Variants in SPEG observed in about 807,000 individuals in gnomAD.
SPEG encodes the protein striated muscle enriched protein kinase.
SPEG carries 114 observed loss-of-function variants against 300.4 expected under a neutral mutation model. The ratio of observed to expected loss-of-function variants is 0.38; its 90% CI spans 0.33 to 0.44. SPEG has a LOEUF of 0.44. SPEG is among the 20% of genes least tolerant of loss of function. SPEG has a pLI of 1.00. For synonymous variants in SPEG, 1,964 were observed against 2,018.9 expected (o/e 0.97, Z 0.73); for missense variants, 4,201 against 4,586.2 (o/e 0.92, Z 2.43).
In SPEG at chr2:219,462,446, G is replaced by C. The variant is rs1262094341; in HGVS notation, c.2705+60G>C. On this transcript the variant is annotated intron_variant, in intron 8 of 40. Coordinates refer to ENST00000312358, the MANE Select transcript of SPEG (RefSeq NM_005876.5). ...CTCTATGCCAGGCCTGGCTCTGGGA[G>C]GTCTGGCTTTGGGTGGAAGGAAATG... 3.5e-6 allele frequency: 5 copies of C among 1,412,900 alleles called. No individual in the cohort carries two copies. The Admixed American group carries it at 1.0e-4, about 29-fold the overall frequency. 87.5% of individuals were successfully genotyped at this position (1,412,900 alleles called of 1,614,324 possible). A position where few individuals can be genotyped will look rare whatever the true frequency, so the allele number is the denominator to read the frequency against.
chr2:219,476,749 C>T, intron 18 of SPEG, 121 bp from the exon 19 acceptor site: 1 of 568,572 alleles, frequency 1.8e-6, no homozygotes. Context: ...TGCAGGGAGG[C>T]GGGGGTCTAG....
In SPEG at chr2:219,491,830, C is replaced by G. The variant is rs755194015; in HGVS notation, c.9422C>G (p.Ala3141Gly). ...GTGAAGGGAGAACCCATCGGCTCTG[C>G]CACGGACATCTGGGGAGCGGGTGTG... ...EMVKGEPIGS[A>G]TDIWGAGVLT... Residue 3141 changes from alanine to glycine, a missense_variant, in exon 39 of 41, where the codon GCC becomes GGC. Transcript: ENST00000312358. 2 of 1,612,590 alleles carry G rather than the reference C, an allele frequency of 1.2e-6. No homozygotes were observed. The highest frequency in any genetic ancestry group is 8.5e-7 in the Non-Finnish European group (1 of 1,179,516).
In SPEG at chr2:219,489,901, C is replaced by T. The variant is rs756609002; in HGVS notation, c.8883C>T (p.Pro2961=). The change falls in exon 36 of 41, where the codon CCC becomes CCT. Residue 2961 remains proline (P), a synonymous_variant. Transcript: ENST00000312358. The part of the protein sequence containing the change: ...RPEGTTLRQG[P]PQKPYTFLEE... Reference sequence around the variant, plus strand: ...AGGGTACCACTCTTCGACAGGGTCCCCCTCAGAAACCCTACACCTTCCTGG... The same window carrying T: ...AGGGTACCACTCTTCGACAGGGTCCTCCTCAGAAACCCTACACCTTCCTGG... 6 of 1,591,194 alleles carry T rather than the reference C, an allele frequency of 3.8e-6. No individual in the cohort carries two copies. The East Asian group carries it at 6.8e-5, about 18-fold the overall frequency.
chr2:219,435,657 GTTC>G (rs1416526464), intron 1 of SPEG, among the ~76,000 whole-genome samples: 1 of 152,222 alleles, frequency 6.6e-6, no homozygotes. Context: ...TGGGGTGGAA[GTTC>G]TTCTCCTCCT....
At chr2:219,468,526 T>A in intron 10 of SPEG, 52 bp from the exon 11 acceptor site, 1 of 1,583,018 alleles carries the variant, frequency 6.3e-7, no homozygotes, top group Non-Finnish European at 8.6e-7. Context: ...TGGGTTGGGA[T>A]GCCTGGGCCT....
rs768482048 is a variant in SPEG at position 219,462,287 on chromosome 2, A to G, written c.2617-11A>G. ...CTGTCTTCCCCTGACACTTTGGGGTACCCCCTTCAGGTCTCACTTATGGAC... is the reference window on the plus strand; with the variant it reads ...CTGTCTTCCCCTGACACTTTGGGGTGCCCCCTTCAGGTCTCACTTATGGAC... On this transcript the variant is annotated splice_polypyrimidine_tract_variant and intron_variant, in intron 7 of 40. Transcript: ENST00000312358. 1.8e-5 allele frequency: 28 copies of G among 1,556,252 alleles called. No individual in the cohort carries two copies. Among genetic ancestry groups the G allele is most frequent in the Middle Eastern group, 1.7e-4 (1 of 6,018 alleles).
chr2:219,435,058 C>T lies in SPEG; in HGVS notation c.81C>T (p.Ala27=). Residue 27 remains alanine (A), a synonymous_variant, in exon 1 of 41, where the codon GCC becomes GCT. Transcript: ENST00000312358. ...GCCCCGGAGTGCCCCCGAAAAGGGC[C>T]AAGGTGGGGGCCGGCGGCGGGGCTC... ...PPSPGVPPKR[A]KVGAGGGAPV... The T allele has an allele frequency of 6.7e-7, 1 of 1,482,706 alleles. No homozygotes were observed. The highest frequency in any genetic ancestry group is 8.9e-7 in the Non-Finnish European group (1 of 1,125,824). 91.8% of individuals were successfully genotyped at this position (1,482,706 alleles called of 1,614,324 possible). A position where few individuals can be genotyped will look rare whatever the true frequency, so the allele number is the denominator to read the frequency against.
At chr2:219,457,948 G>A (rs1690319811) in intron 6 of SPEG, among the ~76,000 whole-genome samples, 2 of 152,140 alleles carry the variant, frequency 1.3e-5, no homozygotes, top group African/African-American at 4.8e-5. Context: ...TGGGCCAAAA[G>A]TCATCTCCCG....
rs1231179460 is a variant in SPEG, at chr2:219,492,307, G to C, written c.9611+47G>C. On this transcript the variant is annotated intron_variant, in intron 40 of 40. Transcript: ENST00000312358. ...TATCCCCCAGTGTTACCTGCCCCTG[G>C]CCTGGCCTGTGCCAGAGATCTCCCA... 1.0e-5 allele frequency: 16 copies of C among 1,581,506 alleles called. No homozygotes were observed. The South Asian group carries it at 1.8e-4, about 18-fold the overall frequency.
chr2:219,492,536 G>T lies in SPEG; in HGVS notation c.9612-58G>T. The T allele has an allele frequency of 2.6e-6, 4 of 1,559,800 alleles. No homozygotes were observed. The South Asian group carries it at 3.3e-5, about 13-fold the overall frequency. On this transcript the variant is annotated intron_variant, in intron 40 of 40. Coordinates refer to ENST00000312358, the MANE Select transcript of SPEG (RefSeq NM_005876.5). ...GGACATGGGTCTGCGGGAGGACAGA[G>T]CCCCGGCAGCTCCCAGAGCTTCCTT...
intron 31 of SPEG, 80 bp from the exon 32 acceptor site, chr2:219,488,114 C>A: frequency 2.3e-6 from 2 of 871,526 alleles, no homozygotes; most frequent in Non-Finnish European, 3.7e-6. Context: ...TGGCTGTTTG[C>A]AGGCCTTCTC....
At position 219,434,973 on chromosome 2, in the gene SPEG, T is replaced by C; in HGVS notation, c.-5T>C. ...GGCGTCCCCCCAGCCCAGCTCTCAG[T>C]GGCCATGCAGAAAGCCCGGGGCACG... On this transcript the variant is annotated 5_prime_UTR_variant, in exon 1 of 41. Coordinates refer to ENST00000312358, the MANE Select transcript of SPEG (RefSeq NM_005876.5). 6.6e-7 allele frequency: 1 copy of C among 1,504,278 alleles called. No homozygotes were observed. Among genetic ancestry groups the C allele is most frequent in the Non-Finnish European group, 8.8e-7 (1 of 1,134,418 alleles). 93.2% of individuals were successfully genotyped at this position (1,504,278 alleles called of 1,614,324 possible).
intron 15 of SPEG, 101 bp from the exon 16 acceptor site, chr2:219,472,789 T>A: frequency 1.0e-6 from 1 of 956,656 alleles, no homozygotes; most frequent in Non-Finnish European, 1.5e-6. Flanking sequence ...AGGCACGTCA[T>A]CAGAGCAGAC....
In SPEG at chr2:219,469,144, G is replaced by A. The variant is rs1691648105; in HGVS notation, c.3492-12G>A. 6.2e-7 allele frequency: 1 copy of A among 1,613,466 alleles called. No homozygotes were observed. Reference sequence around the variant, plus strand: ...CGGCCCTGGGCCTGTGGGCAGCTGTGTGGTCTTGCAGCTCGAAGCTGGAGA... The same window carrying A: ...CGGCCCTGGGCCTGTGGGCAGCTGTATGGTCTTGCAGCTCGAAGCTGGAGA... On this transcript the variant is annotated splice_polypyrimidine_tract_variant and intron_variant, in intron 12 of 40. Transcript: ENST00000312358.
intron 6 of SPEG, chr2:219,461,253 T>C (rs989941974): frequency 4.1e-6 from 4 of 985,838 alleles, no homozygotes; most frequent in African/African-American, 1.7e-5. Context: ...TCTGCTTTCC[T>C]ATCCCTCGAG....
chr2:219,466,256 T>C (rs1338227387), intron 9 of SPEG: 2 of 1,426,962 alleles, frequency 1.4e-6, no homozygotes, highest in Non-Finnish European at 1.8e-6. Context: ...CTGTGGACCC[T>C]CCCTCCCCAA....
intron 29 of SPEG, 70 bp downstream of exon 29, chr2:219,482,922 G>C (rs959434801): frequency 2.0e-6 from 3 of 1,516,362 alleles, no homozygotes; most frequent in Non-Finnish European, 1.8e-6. Context: ...TCCCCCTCCC[G>C]TGGGCCTTCA....
In SPEG at chr2:219,470,304, C is replaced by G. The variant is rs1219966997; in HGVS notation, c.3715+925C>G. ...GAAAGGACTGTCTGACCCTGGTGCC[C>G]AGCTCTTAACCAGGATGTCCCTGTC... On this transcript the variant is annotated intron_variant, in intron 13 of 40. Coordinates refer to ENST00000312358, the MANE Select transcript of SPEG (RefSeq NM_005876.5). Among the ~76,000 whole-genome samples the G allele has an allele frequency of 4.6e-5, 4 of 87,656 alleles. No homozygotes were observed. The East Asian group carries it at 1.1e-3, about 23-fold the overall frequency. 57.5% of individuals were successfully genotyped at this position (87,656 alleles called of 152,430 possible).
At chr2:219,441,608 G>A in intron 1 of SPEG, 1 of 470,460 alleles carries the variant, frequency 2.1e-6, no homozygotes. Context: ...AGGGTGGGAG[G>A]AGGCTGCGCT....
Sources: allele counts gnomAD v4.1 joint callset (sites outside exome capture counted in the v4.1 genomes callset), GRCh38; gene constraint gnomAD v4.1.1; transcripts MANE v1.5; gene names NCBI Gene and HGNC (gene_info 2026-07-23, HGNC 2026-07-21).